Variants in ELP4 observed in about 807,000 individuals in gnomAD.
The protein encoded by ELP4 is elongator complex protein 4.
Under a neutral mutation model 48.9 loss-of-function variants are expected in ELP4, and 51 were observed. The ratio of observed to expected loss-of-function variants is 1.04; its 90% CI spans 0.83 to 1.32. The LOEUF (loss-of-function observed/expected upper bound fraction) is 1.32. Among genes scored for constraint, ELP4 ranks in the 40% most tolerant of loss-of-function variants. The pLI is 0.00. For synonymous variants in ELP4, 210 were observed against 189.2 expected (o/e 1.11, Z -0.90); for missense variants, 519 against 514.6 (o/e 1.01, Z -0.08).
At chr11:31,755,957 C>T (rs1404787756) in intron 9 of ELP4, among the ~76,000 whole-genome samples, 3 of 152,306 alleles carry the variant, frequency 2.0e-5, no homozygotes, top group South Asian at 2.1e-4. Context: ...ATCAGCAACA[C>T]CACAACAACT....
intron 1 of ELP4, chr11:31,512,183 G>T (rs1454734803): frequency 6.6e-6 from 1 of 152,138 alleles, no homozygotes; most frequent in Non-Finnish European, 1.5e-5. Context: ...GTGACAAAAG[G>T]TAATGATAAT....
intron 9 of ELP4, chr11:31,763,400 C>T: frequency 3.2e-6 from 5 of 1,581,934 alleles, no homozygotes; most frequent in Non-Finnish European, 4.3e-6. Flanking sequence ...TGTCTCTTTT[C>T]TCTGAGGCAG....
intron 3 of ELP4, among the ~76,000 whole-genome samples, chr11:31,564,091 G>T (rs1957065721): frequency 3.3e-5 from 5 of 151,960 alleles, no homozygotes; most frequent in Admixed American, 3.3e-4. Context: ...ACCTCTGGAG[G>T]GTCAATGACT....
intron 3 of ELP4, among the ~76,000 whole-genome samples, chr11:31,579,054 A>G (rs540345414): frequency 6.6e-6 from 1 of 152,254 alleles, no homozygotes; most frequent in Non-Finnish European, 1.5e-5. Context: ...ACTAAGGGCT[A>G]ATATCCAGAA....
intron 5 of ELP4, among the ~76,000 whole-genome samples, chr11:31,613,762 G>A (rs1958026220): frequency 6.9e-6 from 1 of 144,026 alleles, no homozygotes; most frequent in Non-Finnish European, 1.5e-5. Context: ...GTTGCCTAGT[G>A]CAGTGGTGTG....
At position 31,520,427 on chromosome 11, in the gene ELP4, G is replaced by A. The variant is rs77693122; in HGVS notation, c.259+336G>A. On this transcript the variant is annotated intron_variant, in intron 2 of 9. Transcript: ENST00000640961. Reference sequence around the variant, plus strand: ...TGGGATTATTACAGGGATCAATTTGGGAAATTGAAATACCAAGTCCATCGT... The same window carrying A: ...TGGGATTATTACAGGGATCAATTTGAGAAATTGAAATACCAAGTCCATCGT... Among the ~76,000 whole-genome samples the A allele has an allele frequency of 2.9e-3, 439 of 151,908 alleles. 24 individuals are homozygous for A. The East Asian group carries it at 0.078, about 27-fold the overall frequency.
intron 3 of ELP4, among the ~76,000 whole-genome samples, chr11:31,583,311 T>G (rs1957420857): frequency 6.6e-6 from 1 of 152,162 alleles, no homozygotes; most frequent in South Asian, 2.1e-4. Flanking sequence ...GTTTTCTACA[T>G]CTCATAGAAA....
chr11:31,710,310 G>T (rs1256170853), intron 9 of ELP4, among the ~76,000 whole-genome samples: 2 of 152,164 alleles, frequency 1.3e-5, no homozygotes, highest in African/African-American at 4.8e-5. Context: ...TGAGATTGAA[G>T]GAAGAATGAT....
chr11:31,548,668 G>A (rs1423814215), intron 3 of ELP4, among the ~76,000 whole-genome samples: 8 of 152,106 alleles, frequency 5.3e-5, no homozygotes, highest in South Asian at 4.2e-4. Context: ...AAAAGAGCCC[G>A]CATGGCCAAG....
chr11:31,533,408 C>G (rs1416262028), intron 2 of ELP4, among the ~76,000 whole-genome samples: 28 of 71,784 alleles, frequency 3.9e-4, no homozygotes, highest in African/African-American at 1.6e-3. Flanking sequence ...GACAGAGTCT[C>G]GCTCTTTCGC....
At chr11:31,729,853 G>T (rs1008695895) in intron 9 of ELP4, among the ~76,000 whole-genome samples, 1 of 152,200 alleles carries the variant, frequency 6.6e-6, no homozygotes, top group Non-Finnish European at 1.5e-5. Context: ...AGCACCATTA[G>T]TTTGGCTGAG....
At chr11:31,576,907 C>G (rs987666854) in intron 3 of ELP4, among the ~76,000 whole-genome samples, 12 of 152,078 alleles carry the variant, frequency 7.9e-5, no homozygotes, top group African/African-American at 2.9e-4. Context: ...CAAACACATT[C>G]AAAAGCTAGC....
At chr11:31,636,446 C>T (rs1040522366) in intron 7 of ELP4, among the ~76,000 whole-genome samples, 13 of 151,932 alleles carry the variant, frequency 8.6e-5, no homozygotes, top group African/African-American at 2.7e-4. Context: ...ACCAGCCAAT[C>T]GGTGTTCTTA....
At chr11:31,678,380 T>A (rs866751176) in intron 9 of ELP4, among the ~76,000 whole-genome samples, 35 of 152,028 alleles carry the variant, frequency 2.3e-4, no homozygotes, top group African/African-American at 8.5e-4. Context: ...GCCTAAAAGG[T>A]CAAGGTTGCA....
intron 5 of ELP4, among the ~76,000 whole-genome samples, chr11:31,609,493 A>G (rs1176497342): frequency 6.6e-6 from 1 of 152,112 alleles, no homozygotes; most frequent in Non-Finnish European, 1.5e-5. Flanking sequence ...AAGGCGGGAA[A>G]GAAATTCAGC....
chr11:31,766,913 C>G (rs1948053622), intron 9 of ELP4, among the ~76,000 whole-genome samples: 2 of 151,978 alleles, frequency 1.3e-5, no homozygotes, highest in African/African-American at 4.8e-5. Flanking sequence ...AATGCCACTA[C>G]TTGATATATT....
At chr11:31,777,800 A>G (rs1948280940) in intron 9 of ELP4, among the ~76,000 whole-genome samples, 1 of 152,230 alleles carries the variant, frequency 6.6e-6, no homozygotes, top group African/African-American at 2.4e-5. Context: ...TGAATTGCTT[A>G]CTTCTGGACT....
At chr11:31,620,633 A>G (rs1055398064) in intron 5 of ELP4, among the ~76,000 whole-genome samples, 1 of 152,014 alleles carries the variant, frequency 6.6e-6, no homozygotes, top group East Asian at 1.9e-4. Flanking sequence ...AGTTGGGTAG[A>G]TGACAGCAAC....
At chr11:31,619,785 A>G (rs1375684890) in intron 5 of ELP4, among the ~76,000 whole-genome samples, 1 of 151,698 alleles carries the variant, frequency 6.6e-6, no homozygotes, top group African/African-American at 2.4e-5. Context: ...CCTAGTACCC[A>G]TTAGTTATTT....
Sources: gnomAD v4.1 joint callset for allele counts (sites outside exome capture counted in the v4.1 genomes callset) on GRCh38, gnomAD v4.1.1 for gene constraint, MANE v1.5 for transcripts, NCBI Gene and HGNC (gene_info 2026-07-23, HGNC 2026-07-21) for gene names.